Variants in SEPTIN14 observed in about 807,000 individuals in gnomAD.
SEPTIN14 encodes the protein septin-14.
SEPTIN14 carries 40 observed loss-of-function variants against 53.6 expected under a neutral mutation model. The ratio of observed to expected loss-of-function variants is 0.75; its 90% confidence interval spans 0.58 to 0.97. The LOEUF (loss-of-function observed/expected upper bound fraction) is 0.97, where lower values mean the gene tolerates loss of function less well. SEPTIN14 is among the 50% of genes least tolerant of loss of function. The pLI is 0.00. For synonymous variants in SEPTIN14, 138 were observed against 166.8 expected (o/e 0.83, Z 1.33); for missense variants, 471 against 508.2 (o/e 0.93, Z 0.70).
At position 55,834,428 on chromosome 7, in the gene SEPTIN14, A is replaced by G. The variant is rs764394672; in HGVS notation, c.717T>C (p.Val239=). ...EETAAQANSS[V]SGLLPFAVVG... ...CAGATATGTTACTGAAACTTACACTAACTGAGGAGTTCGCTTGAGCAGCAG... is the reference window on the plus strand; with the variant it reads ...CAGATATGTTACTGAAACTTACACTGACTGAGGAGTTCGCTTGAGCAGCAG... Residue 239 remains valine, a synonymous_variant, in exon 6 of 10, where the codon GTT becomes GTC. Transcript: ENST00000388975. 137 of 1,606,776 alleles carry G rather than the reference A, an allele frequency of 8.5e-5. 4 individuals are homozygous for G. In the South Asian group the frequency reaches 1.2e-3, roughly 14 times the overall value.
chr7:55,857,541 A>AAG (rs1400575703), intron 2 of SEPTIN14, among the ~76,000 whole-genome samples: 32 of 91,768 alleles, frequency 3.5e-4, no homozygotes, highest in African/African-American at 1.3e-3. Context: ...AAGGAAAGGA[A>AAG]GAGAGGAGGG....
intron 6 of SEPTIN14, among the ~76,000 whole-genome samples, chr7:55,820,896 C>T (rs902562643): frequency 4.0e-5 from 6 of 151,788 alleles, no homozygotes; most frequent in South Asian, 2.1e-4. Context: ...GCTGAGATCG[C>T]GCCATTACAT....
At chr7:55,803,120 T>C (rs1449899461) in intron 9 of SEPTIN14, among the ~76,000 whole-genome samples, 2 of 152,122 alleles carry the variant, frequency 1.3e-5, no homozygotes, top group African/African-American at 4.8e-5. Flanking sequence ...GTATTTTTAA[T>C]AGAGACAAGG....
intron 5 of SEPTIN14, among the ~76,000 whole-genome samples, chr7:55,839,947 C>T (rs1433137075): frequency 3.3e-5 from 5 of 151,342 alleles, no homozygotes; most frequent in African/African-American, 7.3e-5. Context: ...GAGTTCGAGA[C>T]CAGCCTGGCC....
intron 9 of SEPTIN14, among the ~76,000 whole-genome samples, chr7:55,799,538 A>AG (rs1259796427): frequency 6.6e-6 from 1 of 150,384 alleles, no homozygotes; most frequent in African/African-American, 2.4e-5. Flanking sequence ...AAAAAAAAAA[A>AG]AAAAGGAAAA....
At chr7:55,824,153 A>G (rs1484548443) in intron 6 of SEPTIN14, among the ~76,000 whole-genome samples, 1 of 152,202 alleles carries the variant, frequency 6.6e-6, no homozygotes, top group African/African-American at 2.4e-5. Context: ...GAACTTCATT[A>G]AAACTAAAAC....
chr7:55,861,381 A>T (rs1404533093), intron 2 of SEPTIN14, among the ~76,000 whole-genome samples: 1 of 152,086 alleles, frequency 6.6e-6, no homozygotes, highest in Non-Finnish European at 1.5e-5. Context: ...AGGTGCCTGT[A>T]ATCCCAGCTA....
At chr7:55,857,736 C>T (rs1789667661) in intron 2 of SEPTIN14, among the ~76,000 whole-genome samples, 1 of 150,776 alleles carries the variant, frequency 6.6e-6, no homozygotes, top group Non-Finnish European at 1.5e-5. Flanking sequence ...TACAGGCGCC[C>T]GCCACCACGC....
intron 6 of SEPTIN14, among the ~76,000 whole-genome samples, chr7:55,826,908 C>T (rs73701154): frequency 0.059 from 8,979 of 152,178 alleles, 488 homozygotes; most frequent in East Asian, 0.24. Flanking sequence ...TCTGCCCTGG[C>T]ACTGCTGTCA....
At chr7:55,817,567 T>G (rs1176657633) in intron 7 of SEPTIN14, among the ~76,000 whole-genome samples, 4 of 151,770 alleles carry the variant, frequency 2.6e-5, no homozygotes, top group African/African-American at 9.7e-5. Flanking sequence ...CCTCCCGGGT[T>G]CACATCATTC....
chr7:55,813,998 G>A (rs76003595), intron 7 of SEPTIN14, among the ~76,000 whole-genome samples: 2,002 of 152,244 alleles, frequency 0.013, 28 homozygotes, highest in African/African-American at 0.038. Flanking sequence ...GAGTGATGAT[G>A]TCACCCTTCC....
intron 5 of SEPTIN14, 35 bp from the exon 6 acceptor site, chr7:55,834,621 T>A: frequency 6.5e-7 from 1 of 1,528,306 alleles, no homozygotes; most frequent in Non-Finnish European, 8.9e-7. Context: ...ATCTCATCAT[T>A]GTTCATCTCA....
At chr7:55,841,207 C>T (rs1789306370) in intron 5 of SEPTIN14, among the ~76,000 whole-genome samples, 1 of 152,094 alleles carries the variant, frequency 6.6e-6, no homozygotes, top group South Asian at 2.1e-4. Context: ...CCGCACCTGG[C>T]TATTTAGAGA....
At chr7:55,841,377 T>C (rs984389215) in intron 5 of SEPTIN14, among the ~76,000 whole-genome samples, 1 of 152,152 alleles carries the variant, frequency 6.6e-6, no homozygotes. Flanking sequence ...CCTCCCACCC[T>C]TCCCCTTTAT....
intron 2 of SEPTIN14, among the ~76,000 whole-genome samples, chr7:55,860,521 TA>T (rs980776947): frequency 6.6e-6 from 1 of 152,064 alleles, no homozygotes; most frequent in Non-Finnish European, 1.5e-5. Flanking sequence ...TCAAAATAGC[TA>T]AAAGAGGGGA....
chr7:55,846,097 ACATGCTAG>A (rs1289278358), intron 3 of SEPTIN14, among the ~76,000 whole-genome samples: 1 of 136,812 alleles, frequency 7.3e-6, no homozygotes, highest in Non-Finnish European at 1.6e-5. Flanking sequence ...ATATATGTAT[ACATGCTAG>A]CCCTGATTCT....
chr7:55,815,270 A>T (rs187182761), intron 7 of SEPTIN14, among the ~76,000 whole-genome samples: 37 of 152,334 alleles, frequency 2.4e-4, no homozygotes, highest in African/African-American at 7.7e-4. Flanking sequence ...GCAAAAATAG[A>T]CAAATGGGAT....
intron 9 of SEPTIN14, among the ~76,000 whole-genome samples, chr7:55,796,647 G>C (rs1264347995): frequency 6.6e-5 from 10 of 151,922 alleles, no homozygotes; most frequent in African/African-American, 1.7e-4. Context: ...GGATGCAGTG[G>C]CTCATGCTTG....
chr7:55,810,738 A>C (rs1184193981), intron 7 of SEPTIN14: 1 of 164,542 alleles, frequency 6.1e-6, no homozygotes, highest in Non-Finnish European at 1.3e-5. Flanking sequence ...TCAGCCTCCC[A>C]AAGTGCTGGG....
Sources: gnomAD v4.1 joint callset for allele counts (sites outside exome capture counted in the v4.1 genomes callset) on GRCh38, gnomAD v4.1.1 for gene constraint, MANE v1.5 for transcripts, NCBI Gene and HGNC (gene_info 2026-07-23, HGNC 2026-07-21) for gene names.